MMP16: variants seen among roughly 807,000 people sequenced by gnomAD.
The protein encoded by MMP16 is matrix metallopeptidase 16.
In MMP16, 12 loss-of-function variants were observed where a neutral mutation model predicts 67.8. That is an observed-to-expected ratio of 0.18 (90% confidence interval 0.11 to 0.29). The LOEUF (loss-of-function observed/expected upper bound fraction) is 0.29. Among genes scored for constraint, MMP16 ranks in the 10% least tolerant of loss-of-function variants. The pLI is 1.00. For missense variants in MMP16, 475 were observed against 765.7 expected (o/e 0.62, Z 4.48); for synonymous variants, 249 against 255.9 (o/e 0.97, Z 0.26).
At chr8:88,097,974 G>A (rs76800117) in intron 6 of MMP16, among the ~76,000 whole-genome samples, 12,289 of 151,848 alleles carry the variant, frequency 0.081, 516 homozygotes, top group South Asian at 0.1. Flanking sequence ...CACCAACGGC[G>A]AGGAGTCAGG....
rs1388779704 is a variant in MMP16, at chr8:88,034,877, A to G, written c.*6584T>C. On this transcript the variant is annotated 3_prime_UTR_variant, in exon 10 of 10. Coordinates refer to ENST00000286614, the MANE Select transcript of MMP16 (RefSeq NM_005941.5). ...ATAAAAGGTGGCAAGTACAAGCAGCACCATATCCTATCCTAGGAAAATGCA... is the reference window on the plus strand; with the variant it reads ...ATAAAAGGTGGCAAGTACAAGCAGCGCCATATCCTATCCTAGGAAAATGCA... 6.6e-6 allele frequency: 1 copy of G among 151,992 alleles called. No individual in the cohort carries two copies. Among genetic ancestry groups the G allele is most frequent in the Non-Finnish European group, 1.5e-5 (1 of 67,938 alleles). The allele number at this position is 151,992 out of a possible 1,614,324, so 9.4% of individuals were successfully genotyped here. A position where few individuals can be genotyped will look rare whatever the true frequency, so the allele number is the denominator to read the frequency against.
At position 88,155,728 on chromosome 8, in the gene MMP16, G is replaced by A. The variant is rs1202522754; in HGVS notation, c.709+11941C>T. Among the ~76,000 whole-genome samples the A allele has an allele frequency of 2.0e-5, 3 of 152,086 alleles. No individual in the cohort carries two copies. In the East Asian group the frequency reaches 5.8e-4, roughly 29 times the overall value. ...GATTTTCTTCCACATGACAGATTCA[G>A]TTTGTACAGTAATAACAGGCTTTTG... On this transcript the variant is annotated intron_variant, in intron 4 of 9. Transcript: ENST00000286614.
At chr8:88,093,217 A>T (rs147775790) in intron 6 of MMP16, among the ~76,000 whole-genome samples, 1 of 152,026 alleles carries the variant, frequency 6.6e-6, no homozygotes, top group African/African-American at 2.4e-5. Context: ...CAGGCTATCA[A>T]AAAATGATTG....
intron 2 of MMP16, among the ~76,000 whole-genome samples, chr8:88,187,521 T>C (rs1045127089): frequency 4.6e-5 from 7 of 152,324 alleles, no homozygotes; most frequent in Middle Eastern, 3.4e-3. Context: ...TAGTACTACA[T>C]GGTTCAGAAA....
chr8:88,227,545 GA>G (rs1281863840), intron 1 of MMP16, among the ~76,000 whole-genome samples: 1 of 151,986 alleles, frequency 6.6e-6, no homozygotes, highest in Non-Finnish European at 1.5e-5. Context: ...TGATTCTTCT[GA>G]CTTTCCTCTT....
intron 3 of MMP16, 164 bp downstream of exon 3, chr8:88,186,312 G>C: frequency 2.4e-6 from 2 of 823,908 alleles, no homozygotes; most frequent in Non-Finnish European, 1.8e-6. Context: ...GGTGTCTAAT[G>C]AACAATTTAC....
chr8:88,153,557 C>T (rs1474755798), intron 4 of MMP16, among the ~76,000 whole-genome samples: 4 of 151,940 alleles, frequency 2.6e-5, no homozygotes, highest in African/African-American at 4.8e-5. Context: ...TCAGAAATAA[C>T]ACCGCACACC....
intron 6 of MMP16, among the ~76,000 whole-genome samples, chr8:88,108,561 A>C (rs1435890160): frequency 6.6e-6 from 1 of 151,240 alleles, no homozygotes; most frequent in African/African-American, 2.4e-5. Context: ...CATCCTGAAA[A>C]ACTGAGGACT....
intron 6 of MMP16, among the ~76,000 whole-genome samples, chr8:88,113,321 C>T (rs1809372373): frequency 6.6e-6 from 1 of 151,614 alleles, no homozygotes; most frequent in Non-Finnish European, 1.5e-5. Context: ...TTTGGATAGG[C>T]AGGACTCAAG....
At chr8:88,259,977 T>A (rs1275119425) in intron 1 of MMP16, among the ~76,000 whole-genome samples, 3 of 152,182 alleles carry the variant, frequency 2.0e-5, no homozygotes, top group African/African-American at 7.2e-5. Flanking sequence ...CAAATTTTAC[T>A]TATTTGTACT....
At chr8:88,075,065 T>C (rs1808623952) in intron 6 of MMP16, among the ~76,000 whole-genome samples, 1 of 152,108 alleles carries the variant, frequency 6.6e-6, no homozygotes, top group South Asian at 2.1e-4. Context: ...TGTCAGCTTC[T>C]TGAATGTGAG....
chr8:88,304,050 T>TA (rs1252610554), intron 1 of MMP16, among the ~76,000 whole-genome samples: 1 of 152,072 alleles, frequency 6.6e-6, no homozygotes, highest in Non-Finnish European at 1.5e-5. Flanking sequence ...AGAATCATGA[T>TA]AAAAACAATA....
chr8:88,120,138 G>A (rs977363493), intron 4 of MMP16, among the ~76,000 whole-genome samples: 2 of 151,898 alleles, frequency 1.3e-5, no homozygotes, highest in East Asian at 2.0e-4. Flanking sequence ...AATAGAGCAT[G>A]GTTACTGGGG....
chr8:88,153,845 C>A (rs1360358996), intron 4 of MMP16, among the ~76,000 whole-genome samples: 2 of 151,910 alleles, frequency 1.3e-5, no homozygotes, highest in Non-Finnish European at 2.9e-5. Flanking sequence ...GCAATGGCAA[C>A]AAAAGCCAAA....
At chr8:88,157,788 A>G (rs1281129113) in intron 4 of MMP16, among the ~76,000 whole-genome samples, 1 of 152,090 alleles carries the variant, frequency 6.6e-6, no homozygotes, top group Admixed American at 6.6e-5. Flanking sequence ...CGTCATTTAC[A>G]TTAGGCATAT....
intron 6 of MMP16, among the ~76,000 whole-genome samples, chr8:88,111,856 G>A (rs1413525712): frequency 5.3e-5 from 8 of 151,702 alleles, no homozygotes; most frequent in Non-Finnish European, 1.5e-5. Flanking sequence ...TGATTCTTCA[G>A]TAGAATTAAG....
At chr8:88,107,497 A>T (rs1809262777) in intron 6 of MMP16, among the ~76,000 whole-genome samples, 2 of 150,896 alleles carry the variant, frequency 1.3e-5, no homozygotes, top group South Asian at 4.2e-4. Context: ...TTATTCTTTA[A>T]GGTTTTGAAT....
intron 6 of MMP16, among the ~76,000 whole-genome samples, chr8:88,086,319 C>A (rs1212150531): frequency 6.6e-6 from 1 of 151,928 alleles, no homozygotes; most frequent in Non-Finnish European, 1.5e-5. Context: ...CCACACATTA[C>A]TGCTGTATGA....
chr8:88,092,581 T>A (rs1200096288), intron 6 of MMP16, among the ~76,000 whole-genome samples: 1 of 151,836 alleles, frequency 6.6e-6, no homozygotes, highest in Non-Finnish European at 1.5e-5. Flanking sequence ...ATTGTGGTAT[T>A]CCCTGATACT....
Sources: gnomAD v4.1 joint callset for allele counts (sites outside exome capture counted in the v4.1 genomes callset) on GRCh38, gnomAD v4.1.1 for gene constraint, MANE v1.5 for transcripts, NCBI Gene and HGNC (gene_info 2026-07-23, HGNC 2026-07-21) for gene names.